WDR36: variants seen among roughly 807,000 people sequenced by gnomAD.
WDR36 encodes WD repeat domain 36.
A neutral mutation model predicts 112.7 loss-of-function variants in WDR36; 63 were observed. The ratio of observed to expected loss-of-function variants is 0.56; its 90% CI spans 0.46 to 0.69. The LOEUF is 0.69. Ranked by LOEUF, WDR36 falls within the 30% of genes least tolerant of loss-of-function variation. WDR36 has a pLI of 0.00. For synonymous variants in WDR36, 410 were observed against 362.2 expected (o/e 1.13, Z -1.50); for missense variants, 1,226 against 1,070.3 (o/e 1.15, Z -2.03).
At position 111,127,899 on chromosome 5, in the gene WDR36, G is replaced by GT. The variant is rs1242917060; in HGVS notation, c.*1024dup. The GT allele has an allele frequency of 6.0e-5, 12 of 199,538 alleles. No homozygotes were observed. The highest frequency in any genetic ancestry group is 7.8e-5 in the East Asian group (1 of 12,802). The allele number at this position is 199,538 out of a possible 1,614,324, so 12.4% of individuals were successfully genotyped here. A position where few individuals can be genotyped will look rare whatever the true frequency, so the allele number is the denominator to read the frequency against. ...CAAGAATGGGTATTTCAAAGCCAGG[G>GT]TTTTTTTTATTTTGTTTTGTTTTGT... On this transcript the variant is annotated 3_prime_UTR_variant, in exon 23 of 23. Transcript: ENST00000513710.
At chr5:111,108,361 T>C (rs530264045) in intron 12 of WDR36, among the ~76,000 whole-genome samples, 10 of 151,458 alleles carry the variant, frequency 6.6e-5, no homozygotes, top group African/African-American at 2.4e-4. Flanking sequence ...GCTGAACTTA[T>C]TAGTTCTAAT....
chr5:111,111,371 G>T, intron 15 of WDR36, 93 bp downstream of exon 15: 1 of 996,060 alleles, frequency 1.0e-6, no homozygotes. Flanking sequence ...TATATGAGGT[G>T]GTTATCAATT....
rs201180028 is a variant in WDR36 at position 111,113,052 on chromosome 5, A to ATTTTT, written c.1717-14_1717-10dup. 4.7e-3 allele frequency: 2,211 copies of ATTTTT among 473,394 alleles called. 66 individuals carry two copies. The Admixed American group carries it at 0.055, about 12-fold the overall frequency. The allele number at this position is 473,394 out of a possible 1,614,324, so 29.3% of individuals were successfully genotyped here. On this transcript the variant is annotated intron_variant, in intron 15 of 22. Coordinates refer to ENST00000513710, the MANE Select transcript of WDR36 (RefSeq NM_139281.3). ...ATATAAATAATATATATATATATATATTTTTTTTTTTTAATTTAAAGGCTT... is the reference window on the plus strand; with the variant it reads ...ATATAAATAATATATATATATATATATTTTTTTTTTTTTTTTTAATTTAAAGGCTT...
chr5:111,127,003 A>AG lies in WDR36; in HGVS notation c.*120_*121insG, dbSNP rs1307833909. 1.5e-4 allele frequency: 139 copies of AG among 950,102 alleles called. No individual in the cohort carries two copies. Among genetic ancestry groups the AG allele is most frequent in the Non-Finnish European group, 1.9e-4 (127 of 652,890 alleles). The allele number at this position is 950,102 out of a possible 1,614,324, so 58.9% of individuals were successfully genotyped here. ...ATGCTAGCACTACTGACTAGTCAGT[A>AG]TATCTCCACTTTAAATGCTAAATAC... On this transcript the variant is annotated 3_prime_UTR_variant, in exon 23 of 23. Transcript: ENST00000513710.
intron 8 of WDR36, 81 bp from the exon 9 acceptor site, chr5:111,104,616 T>G: frequency 6.2e-7 from 1 of 1,600,792 alleles, no homozygotes; most frequent in African/African-American, 1.3e-5. Flanking sequence ...CAATACCAGT[T>G]GATTTATGTA....
chr5:111,102,256 T>G, intron 5 of WDR36, 89 bp from the exon 6 acceptor site: 1 of 935,058 alleles, frequency 1.1e-6, no homozygotes, highest in Non-Finnish European at 1.7e-6. Flanking sequence ...AAATATCACC[T>G]ATTATTATTT....
intron 16 of WDR36, among the ~76,000 whole-genome samples, chr5:111,113,955 A>G (rs1027056608): frequency 1.3e-5 from 2 of 152,146 alleles, no homozygotes; most frequent in Non-Finnish European, 2.9e-5. Flanking sequence ...CCCTCTCAAT[A>G]CCATCACATT....
chr5:111,109,208 GTATAA>G (rs1753276679), intron 12 of WDR36, among the ~76,000 whole-genome samples: 1 of 151,270 alleles, frequency 6.6e-6, no homozygotes, highest in African/African-American at 2.4e-5. Context: ...TTTCTTGATT[GTATAA>G]CTATACAACA....
At position 111,127,258 on chromosome 5, in the gene WDR36, C is replaced by G. The variant is rs1753693553; in HGVS notation, c.*375C>G. On this transcript the variant is annotated 3_prime_UTR_variant, in exon 23 of 23. Coordinates refer to ENST00000513710, the MANE Select transcript of WDR36 (RefSeq NM_139281.3). ...TGCTCAAATGATTTATTTTCTGAGT[C>G]TCTTCACATTAACTTTTATATGATT... 1 of 219,862 alleles carries G rather than the reference C, an allele frequency of 4.5e-6. No homozygotes were observed. Among genetic ancestry groups the G allele is most frequent in the South Asian group, 1.8e-4 (1 of 5,618 alleles). The allele number at this position is 219,862 out of a possible 1,614,324, so 13.6% of individuals were successfully genotyped here. A position where few individuals can be genotyped will look rare whatever the true frequency, so the allele number is the denominator to read the frequency against.
chr5:111,102,399 G>A lies in WDR36; in HGVS notation c.597G>A (p.Gln199=), dbSNP rs1753139427. The A allele has an allele frequency of 6.2e-7, 1 of 1,610,142 alleles. No individual in the cohort carries two copies. The highest frequency in any genetic ancestry group is 8.5e-7 in the Non-Finnish European group (1 of 1,177,490). The part of the protein sequence containing the change: ...GWKVGVTALQ[Q]APAVDVVAIG... ...AAGTTGGAGTGACAGCTCTTCAGCA[G>A]GTTAGTATTTTTCTGTTAAGTCAAA... Residue 199 remains glutamine, a splice_region_variant and synonymous_variant, in exon 6 of 23, where the codon CAG becomes CAA. Transcript: ENST00000513710.
intron 12 of WDR36, among the ~76,000 whole-genome samples, chr5:111,107,954 GT>G (rs758820395): frequency 2.6e-5 from 4 of 151,106 alleles, no homozygotes; most frequent in Non-Finnish European, 5.9e-5. Context: ...TTTCAAGATT[GT>G]TTTGGCTCTT....
chr5:111,102,658 A>G lies in WDR36; in HGVS notation c.597+259A>G, dbSNP rs10045255. Among the ~76,000 whole-genome samples the G allele has an allele frequency of 0.55, 82,939 of 151,350 alleles. 23,748 individuals carry two copies. The highest frequency in any genetic ancestry group is 0.7 in the African/African-American group (29,101 of 41,328). On this transcript the variant is annotated intron_variant, in intron 6 of 22. Coordinates refer to ENST00000513710, the MANE Select transcript of WDR36 (RefSeq NM_139281.3). ...GTGGTTGCTATGGATCCTTGTTTCT[A>G]ATCATTTTGCAAGTATATGTAGTCC...
At chr5:111,109,551 T>C (rs536641639) in intron 12 of WDR36, among the ~76,000 whole-genome samples, 3 of 151,418 alleles carry the variant, frequency 2.0e-5, no homozygotes, top group African/African-American at 7.2e-5. Flanking sequence ...TGACACACAT[T>C]GGCAATCAGT....
chr5:111,107,294 A>C lies in WDR36; in HGVS notation c.1181A>C (p.Glu394Ala), dbSNP rs778912017. ...ATTTATGATTTTCATTACGTTTTAG[A>C]GGAAGCTCGTGAAAGTGACTGGGAT... ...RLPPITKFAA[E>A]EARESDWDGI... Residue 394 changes from glutamate to alanine, a missense_variant and splice_region_variant, in exon 12 of 23, where the codon GAG becomes GCG. Physicochemically the swap from Glu to Ala is moderately radical, Grantham distance 107. Transcript: ENST00000513710. 6.2e-7 allele frequency: 1 copy of C among 1,609,448 alleles called. No individual in the cohort carries two copies. Among genetic ancestry groups the C allele is most frequent in the Admixed American group, 1.7e-5 (1 of 59,566 alleles).
At chr5:111,115,161 C>T (rs1443469661) in intron 16 of WDR36, among the ~76,000 whole-genome samples, 3 of 151,884 alleles carry the variant, frequency 2.0e-5, no homozygotes, top group Non-Finnish European at 2.9e-5. Context: ...GTGACCACAT[C>T]GAATTGTTAA....
chr5:111,104,595 C>CA, intron 8 of WDR36, 102 bp from the exon 9 acceptor site: 10 of 1,565,782 alleles, frequency 6.4e-6, no homozygotes, highest in Non-Finnish European at 5.3e-6. Flanking sequence ...AGTGGCTTAG[C>CA]AAGCACTACT....
intron 22 of WDR36, 42 bp downstream of exon 22, chr5:111,125,837 C>G (rs1359188748): frequency 5.0e-6 from 8 of 1,606,732 alleles, no homozygotes; most frequent in Non-Finnish European, 6.8e-6. Flanking sequence ...TTGTCTTCTT[C>G]TGGGGCAGTG....
intron 13 of WDR36, 71 bp downstream of exon 13, chr5:111,110,374 A>C: frequency 7.8e-7 from 1 of 1,288,878 alleles, no homozygotes; most frequent in East Asian, 2.4e-5. Context: ...GCTGGTATGT[A>C]TAATCTTTAA....
intron 5 of WDR36, 131 bp downstream of exon 5, chr5:111,100,852 G>A: frequency 2.3e-6 from 2 of 858,854 alleles, no homozygotes; most frequent in South Asian, 4.2e-5. Flanking sequence ...AATAACAGTT[G>A]GTCCCCTGTA....
Sources: gnomAD v4.1 joint callset for allele counts (sites outside exome capture counted in the v4.1 genomes callset) on GRCh38, gnomAD v4.1.1 for gene constraint, MANE v1.5 for transcripts, NCBI Gene and HGNC (gene_info 2026-07-23, HGNC 2026-07-21) for gene names.